Variants in RBFOX1 observed in about 807,000 individuals in gnomAD.
RBFOX1 encodes RNA binding protein fox-1 homolog 1.
RBFOX1 carries 8 observed loss-of-function variants against 57.7 expected under a neutral mutation model. The observed-to-expected ratio is 0.14, with a 90% CI of 0.08 to 0.25. The LOEUF is 0.25. RBFOX1 is among the 10% of genes least tolerant of loss of function. RBFOX1 has a pLI of 1.00. For missense variants in RBFOX1, 611 were observed against 548.5 expected (o/e 1.11, Z -1.14); for synonymous variants, 326 against 222.4 (o/e 1.47, Z -4.15).
At chr16:6,089,280 G>A (rs369189611) in intron 1 of RBFOX1, among the ~76,000 whole-genome samples, 2 of 152,080 alleles carry the variant, frequency 1.3e-5, no homozygotes, top group Non-Finnish European at 2.9e-5. Context: ...TAATGATTCA[G>A]CTGAGTCTTA....
chr16:7,427,351 T>A (rs2098630552), intron 4 of RBFOX1, among the ~76,000 whole-genome samples: 1 of 152,156 alleles, frequency 6.6e-6, no homozygotes, highest in Non-Finnish European at 1.5e-5. Flanking sequence ...CTAACAAATT[T>A]CCAAGAGATG....
chr16:7,518,540 T>A (rs2076872139), intron 5 of RBFOX1, 151 bp downstream of exon 5: 1 of 972,706 alleles, frequency 1.0e-6, no homozygotes, highest in African/African-American at 1.7e-5. Context: ...TTCCTGAAGT[T>A]TACCTCATTT....
At chr16:6,656,575 C>G (rs1422373304) in intron 3 of RBFOX1, among the ~76,000 whole-genome samples, 1 of 148,428 alleles carries the variant, frequency 6.7e-6, no homozygotes, top group Non-Finnish European at 1.5e-5. Flanking sequence ...GTGATTTCAG[C>G]TCTTCTCAAG....
chr16:6,980,362 T>C (rs2088408554), intron 3 of RBFOX1, among the ~76,000 whole-genome samples: 1 of 152,174 alleles, frequency 6.6e-6, no homozygotes, highest in Non-Finnish European at 1.5e-5. Context: ...ATGTAACCAT[T>C]TCTTTTGTTT....
chr16:5,411,699 A>C (rs1036816888), intron 1 of RBFOX1, among the ~76,000 whole-genome samples: 1 of 151,900 alleles, frequency 6.6e-6, no homozygotes, highest in Non-Finnish European at 1.5e-5. Context: ...CAGGAGTTTG[A>C]GACCAGCCTG....
At chr16:7,405,852 T>C (rs1198549717) in intron 4 of RBFOX1, among the ~76,000 whole-genome samples, 8 of 152,148 alleles carry the variant, frequency 5.3e-5, no homozygotes, top group African/African-American at 1.9e-4. Context: ...GAGATCACAG[T>C]CCTAGGTCTG....
At chr16:5,602,796 ATAG>A (rs1263570456), downstream of RBFOX1, among the ~76,000 whole-genome samples, 1 of 152,126 alleles carries the variant, frequency 6.6e-6, no homozygotes, top group African/African-American at 2.4e-5. Context: ...AGTAGTAGTA[ATAG>A]TAGTAATAAT....
intron 3 of RBFOX1, among the ~76,000 whole-genome samples, chr16:7,029,460 A>T (rs932499248): frequency 2.0e-5 from 3 of 151,658 alleles, no homozygotes; most frequent in East Asian, 3.9e-4. Flanking sequence ...TTCAGTCAGG[A>T]TGGAATAGAG....
intron 3 of RBFOX1, among the ~76,000 whole-genome samples, chr16:6,695,211 G>T (rs2060835852): frequency 6.6e-6 from 1 of 152,036 alleles, no homozygotes. Context: ...CCTGATGTCA[G>T]GAGTTTGAGA....
At chr16:5,906,618 C>T (rs1234287072) in intron 4 of RBFOX1, among the ~76,000 whole-genome samples, 1 of 151,860 alleles carries the variant, frequency 6.6e-6, no homozygotes, top group Non-Finnish European at 1.5e-5. Flanking sequence ...TGGGAGTGCT[C>T]CTGGACTGGG....
chr16:7,473,611 C>G (rs1042715624), intron 4 of RBFOX1, among the ~76,000 whole-genome samples: 38 of 151,536 alleles, frequency 2.5e-4, no homozygotes, highest in African/African-American at 8.7e-4. Flanking sequence ...TTATGAGTTA[C>G]AGGAGCAGCT....
At position 7,142,434 on chromosome 16, in the gene RBFOX1, C is replaced by G. The variant is rs184348730; in HGVS notation, c.27+90336C>G. 4.2e-3 allele frequency among the ~76,000 whole-genome samples: 632 copies of G among 152,228 alleles called. 22 individuals are homozygous for G. Among genetic ancestry groups the G allele is most frequent in the Admixed American group, 0.031 (467 of 15,288 alleles). ...ATTTCGTGTCACTCTTCCATCAGCC[C>G]CTGTACCGCAGGCGACTCTGGCTTC... is the stretch of plus-strand genomic sequence containing the variant. On this transcript the variant is annotated intron_variant, in intron 4 of 15. Coordinates refer to ENST00000550418, the MANE Select transcript of RBFOX1 (RefSeq NM_018723.4).
At chr16:5,428,514 C>T (rs538399658) in intron 1 of RBFOX1, among the ~76,000 whole-genome samples, 2 of 152,112 alleles carry the variant, frequency 1.3e-5, no homozygotes, top group Non-Finnish European at 2.9e-5. Context: ...AAAAACAAGT[C>T]ATCAGGCAAA....
chr16:6,914,464 A>G (rs1404965226), intron 3 of RBFOX1, among the ~76,000 whole-genome samples: 1 of 152,110 alleles, frequency 6.6e-6, no homozygotes, highest in African/African-American at 2.4e-5. Context: ...TAATAAGAAC[A>G]CAGACCTAGG....
chr16:5,410,081 C>T (rs895307979), intron 1 of RBFOX1, among the ~76,000 whole-genome samples: 1 of 149,996 alleles, frequency 6.7e-6, no homozygotes, highest in Non-Finnish European at 1.5e-5. Flanking sequence ...AATCAACATG[C>T]AGCTGGGAAA....
rs564561892 is a variant in RBFOX1, at chr16:6,297,049, G to A, written c.-126-19946G>A. On this transcript the variant is annotated intron_variant, in intron 1 of 15. Transcript: ENST00000550418. ...GGGTTATTCATGCCTCCCCTTTTTA[G>A]ACCACAGAGGGTAACTTCCTAATGT... is the stretch of plus-strand genomic sequence containing the variant. 2.6e-5 allele frequency among the ~76,000 whole-genome samples: 4 copies of A among 152,266 alleles called. No individual in the cohort carries two copies. In the South Asian group the frequency reaches 6.2e-4, roughly 24 times the overall value.
Position 6,606,705 on chromosome 16 carries a change from G to A in RBFOX1, c.-63-47898G>A, listed in dbSNP as rs535523298. 3.3e-5 allele frequency among the ~76,000 whole-genome samples: 5 copies of A among 152,206 alleles called. No individual in the cohort carries two copies. In the South Asian group the frequency reaches 6.2e-4, roughly 19 times the overall value. On this transcript the variant is annotated intron_variant, in intron 2 of 15. Coordinates refer to ENST00000550418, the MANE Select transcript of RBFOX1 (RefSeq NM_018723.4). ...AAACATCTCATTCCTTTTTATGGCC[G>A]TATAGCATTCCATGTTGCATATGTA... is the stretch of plus-strand genomic sequence containing the variant.
chr16:6,962,860 G>A (rs2083311690), intron 3 of RBFOX1, among the ~76,000 whole-genome samples: 2 of 144,346 alleles, frequency 1.4e-5, no homozygotes, highest in Non-Finnish European at 3.0e-5. Flanking sequence ...ATGAGACCCT[G>A]TCTCATGGAA....
rs111930270 is a variant in RBFOX1, at chr16:6,520,695, C to G, written c.-63-133908C>G. ...TCTGCAGGGCCTCAGCAGCAGGAACCCTGCTTAGTTTGATCCAGACACCCT... is the reference window on the plus strand; with the variant it reads ...TCTGCAGGGCCTCAGCAGCAGGAACGCTGCTTAGTTTGATCCAGACACCCT... On this transcript the variant is annotated intron_variant, in intron 2 of 15. Transcript: ENST00000550418. Among the ~76,000 whole-genome samples, 157 of 152,228 alleles carry G rather than the reference C, an allele frequency of 1.0e-3. 2 individuals carry two copies. The highest frequency in any genetic ancestry group is 3.6e-3 in the African/African-American group (151 of 41,548).
Sources: allele counts gnomAD v4.1 joint callset (sites outside exome capture counted in the v4.1 genomes callset), GRCh38; gene constraint gnomAD v4.1.1; transcripts MANE v1.5; gene names NCBI Gene and HGNC (gene_info 2026-07-23, HGNC 2026-07-21).